MATN2: variants seen among roughly 807,000 people sequenced by gnomAD.
MATN2 encodes matrilin 2, also known as matrilin-2.
In MATN2, 69 loss-of-function variants were observed where a neutral mutation model predicts 103.2. The observed-to-expected ratio is 0.67, with a 90% CI of 0.55 to 0.82. The LOEUF is 0.82. Ranked by LOEUF, MATN2 falls within the 40% of genes least tolerant of loss-of-function variation. MATN2 has a pLI of 0.00. For synonymous variants in MATN2, 429 were observed against 450.2 expected (o/e 0.95, Z 0.60); for missense variants, 1,023 against 1,211.5 (o/e 0.84, Z 2.31).
chr8:97,950,411 G>T (rs748538357), intron 4 of MATN2, among the ~76,000 whole-genome samples: 5 of 151,912 alleles, frequency 3.3e-5, no homozygotes, highest in Non-Finnish European at 7.4e-5. Flanking sequence ...GTAAATTGGG[G>T]CTGGCAATAA....
rs552580223 is a variant in MATN2, at chr8:97,931,662, G to A, written c.712+140G>A. ...CAACAAAGGCCAAGATAAACACAAC[G>A]TGCTCCAGGGGCTTACACTTTGGCC... is the stretch of plus-strand genomic sequence containing the variant. On this transcript the variant is annotated intron_variant, in intron 3 of 18. Transcript: ENST00000254898. This position sits in a 1 kb window ranked among gnomAD's most constrained non-coding sequence, Gnocchi z 4.1. 1.5e-4 allele frequency: 114 copies of A among 761,002 alleles called. 3 individuals are homozygous for A. In the South Asian group the frequency reaches 1.9e-3, roughly 12 times the overall value. 47.1% of individuals were successfully genotyped at this position (761,002 alleles called of 1,614,324 possible). A position where few individuals can be genotyped will look rare whatever the true frequency, so the allele number is the denominator to read the frequency against.
chr8:97,909,489 A>G (rs2130063786), intron 2 of MATN2, among the ~76,000 whole-genome samples: 1 of 152,246 alleles, frequency 6.6e-6, no homozygotes, highest in East Asian at 1.9e-4. Flanking sequence ...GGGAATCTTT[A>G]GATGAGTCGG....
chr8:98,000,213 A>G (rs1812733149), intron 7 of MATN2, among the ~76,000 whole-genome samples: 2 of 152,100 alleles, frequency 1.3e-5, no homozygotes. Context: ...GGGGTCCTTC[A>G]GGTCTGGGTC....
At chr8:97,911,240 G>A (rs1369870275) in intron 2 of MATN2, among the ~76,000 whole-genome samples, 1 of 151,794 alleles carries the variant, frequency 6.6e-6, no homozygotes, top group Non-Finnish European at 1.5e-5. Flanking sequence ...TGATCCGCCC[G>A]CCTCAGCCTC....
chr8:98,016,582 C>T lies in MATN2; in HGVS notation c.1616C>T (p.Ser539Leu), dbSNP rs1813364332. 6 of 1,610,900 alleles carry T rather than the reference C, an allele frequency of 3.7e-6. No individual in the cohort carries two copies. In the East Asian group the frequency reaches 6.7e-5, roughly 18 times the overall value. The stretch of plus-strand genomic sequence containing the variant: ...CTGGGGGACCACGGTTGTGAACATT[C>T]GTGTGTAAGCAGTGAAGATTCGTTT... The part of the protein sequence containing the change: ...CALGDHGCEH[S>L]CVSSEDSFVC... The change falls in exon 11 of 19, where the codon TCG (serine) becomes TTG (leucine). Residue 539 changes from serine (S) to leucine (L), a missense_variant. Ser to Leu is a moderately radical substitution (Grantham distance 145). Transcript: ENST00000254898.
intron 2 of MATN2, among the ~76,000 whole-genome samples, chr8:97,912,859 G>A (rs1198078061): frequency 6.6e-5 from 10 of 152,284 alleles, no homozygotes; most frequent in East Asian, 5.8e-4. Context: ...TGAGGCTGAC[G>A]GAGCCACCAG....
intron 6 of MATN2, among the ~76,000 whole-genome samples, chr8:97,983,176 T>G (rs1446941588): frequency 6.6e-6 from 1 of 152,252 alleles, no homozygotes; most frequent in Non-Finnish European, 1.5e-5. Flanking sequence ...TAGCATAATG[T>G]CCTCAAGGTT....
intron 6 of MATN2, among the ~76,000 whole-genome samples, chr8:97,981,863 G>A (rs566031580): frequency 5.3e-5 from 8 of 152,292 alleles, no homozygotes; most frequent in Admixed American, 3.9e-4. Context: ...GAGGGTGTTG[G>A]AGCCCTGGAA....
intron 2 of MATN2, among the ~76,000 whole-genome samples, chr8:97,901,338 C>T (rs1032145547): frequency 2.6e-5 from 4 of 151,962 alleles, no homozygotes; most frequent in South Asian, 4.2e-4. Flanking sequence ...CTGTAACCTC[C>T]GCCTTTTGGG....
At chr8:97,986,152 C>CA (rs200624743) in intron 6 of MATN2, among the ~76,000 whole-genome samples, 61 of 151,916 alleles carry the variant, frequency 4.0e-4, no homozygotes, top group East Asian at 3.9e-3. Flanking sequence ...AGGAACACAA[C>CA]AAAAAAGGAA....
At chr8:97,918,440 T>C (rs1431400298) in intron 2 of MATN2, among the ~76,000 whole-genome samples, 1 of 152,178 alleles carries the variant, frequency 6.6e-6, no homozygotes, top group East Asian at 1.9e-4. Context: ...GCTTATAGAT[T>C]GATGGGACTT....
chr8:97,914,055 G>C (rs765142541), intron 2 of MATN2, among the ~76,000 whole-genome samples: 29 of 152,220 alleles, frequency 1.9e-4, no homozygotes, highest in Non-Finnish European at 2.6e-4. Context: ...TCCAGGGTTA[G>C]ATAACAGAGG....
intron 3 of MATN2, among the ~76,000 whole-genome samples, chr8:97,932,122 G>C (rs548703557): frequency 1.7e-4 from 26 of 152,298 alleles, no homozygotes; most frequent in East Asian, 1.5e-3. Flanking sequence ...GGATGCTCAG[G>C]GAGATTGCCC....
At chr8:98,018,944 A>C (rs1162252875) in intron 12 of MATN2, among the ~76,000 whole-genome samples, 1 of 151,722 alleles carries the variant, frequency 6.6e-6, no homozygotes, top group Non-Finnish European at 1.5e-5. Context: ...ACAGGCTCTG[A>C]GAGTTTCGTT....
At chr8:97,900,454 G>T (rs1425725642) in intron 2 of MATN2, among the ~76,000 whole-genome samples, 1 of 152,198 alleles carries the variant, frequency 6.6e-6, no homozygotes, top group Non-Finnish European at 1.5e-5. Context: ...TCCCATGGGG[G>T]ATGAGCCCCA....
chr8:98,022,017 GA>G (rs1813609402), intron 13 of MATN2, among the ~76,000 whole-genome samples: 4 of 152,170 alleles, frequency 2.6e-5, no homozygotes, highest in Admixed American at 2.6e-4. Flanking sequence ...TTATCTTACA[GA>G]TACGTGCATG....
At chr8:97,874,568 G>C (rs1410851770) in intron 1 of MATN2, among the ~76,000 whole-genome samples, 1 of 151,896 alleles carries the variant, frequency 6.6e-6, no homozygotes, top group Non-Finnish European at 1.5e-5. Context: ...ACCATGTCTG[G>C]CTAAATTTTT....
chr8:97,998,774 A>T (rs1232876352), intron 7 of MATN2, among the ~76,000 whole-genome samples: 1 of 151,952 alleles, frequency 6.6e-6, no homozygotes, highest in Non-Finnish European at 1.5e-5. Context: ...TGTATACAAT[A>T]TGTTGTTTTG....
At chr8:98,019,455 C>T (rs981296098) in intron 12 of MATN2, among the ~76,000 whole-genome samples, 2 of 152,074 alleles carry the variant, frequency 1.3e-5, no homozygotes, top group Non-Finnish European at 2.9e-5. Flanking sequence ...TGGATGAGGC[C>T]CATCTACATT....
Sources: gnomAD v4.1 joint callset for allele counts (sites outside exome capture counted in the v4.1 genomes callset) on GRCh38, gnomAD v4.1.1 for gene constraint, Gnocchi (gnomAD v3.1) non-coding constraint, MANE v1.5 for transcripts, NCBI Gene and HGNC (gene_info 2026-07-23, HGNC 2026-07-21) for gene names.